The following STAB2 variants were observed in gnomAD, a reference collection of about 807,000 sequenced individuals.
The protein encoded by STAB2 is stabilin-2.
STAB2 carries 288 observed loss-of-function variants against 338.1 expected under a neutral mutation model. That is an observed-to-expected ratio of 0.85 (90% CI 0.77 to 0.94). The LOEUF (loss-of-function observed/expected upper bound fraction) is 0.94, where lower values mean the gene tolerates loss of function less well. Ranked by LOEUF, STAB2 falls within the 40% of genes least tolerant of loss-of-function variation. The pLI, the probability that STAB2 is intolerant of heterozygous loss-of-function variation, is 0.00. For synonymous variants in STAB2, 1,202 were observed against 1,193.3 expected, an observed-to-expected ratio of 1.01 and a Z score of -0.15; for missense variants, 3,141 against 3,210.1, an observed-to-expected ratio of 0.98 and a Z score of 0.52.
intron 5 of STAB2, among the ~76,000 whole-genome samples, chr12:103,624,372 A>C (rs1787524233): frequency 6.6e-6 from 1 of 152,200 alleles, no homozygotes; most frequent in Admixed American, 6.5e-5. Flanking sequence ...CCTGACCCAG[A>C]AGCATGGTTT....
intron 15 of STAB2, among the ~76,000 whole-genome samples, chr12:103,656,648 A>G (rs1012230182): frequency 6.6e-5 from 10 of 151,814 alleles, no homozygotes; most frequent in Admixed American, 3.9e-4. Flanking sequence ...AGGTATCTAT[A>G]AGGATATCTT....
chr12:103,719,570 G>A (rs576722796), intron 44 of STAB2, among the ~76,000 whole-genome samples: 3 of 152,118 alleles, frequency 2.0e-5, no homozygotes, highest in Non-Finnish European at 4.4e-5. Flanking sequence ...CCTGGCCTGC[G>A]GCCGCATCAC....
chr12:103,748,637 C>T (rs565750907), intron 58 of STAB2, among the ~76,000 whole-genome samples: 6 of 85,422 alleles, frequency 7.0e-5, no homozygotes, highest in African/African-American at 3.1e-4. Flanking sequence ...CACACACACA[C>T]ACACACACAC....
In STAB2 at chr12:103,766,388, C is replaced by A; in HGVS notation, c.*52C>A. ...CACTCACTGCCACCTGGGCCATCAA[C>A]TGTGAATTCTCAGCACCAGTTGCCT... On this transcript the variant is annotated 3_prime_UTR_variant, in exon 69 of 69. Coordinates refer to ENST00000388887, the MANE Select transcript of STAB2 (RefSeq NM_017564.10). 6.4e-7 allele frequency: 1 copy of A among 1,564,290 alleles called. No homozygotes were observed. The highest frequency in any genetic ancestry group is 8.7e-7 in the Non-Finnish European group (1 of 1,154,024).
At chr12:103,629,595 G>A (rs183252689) in intron 5 of STAB2, among the ~76,000 whole-genome samples, 2 of 152,278 alleles carry the variant, frequency 1.3e-5, no homozygotes, top group Admixed American at 1.3e-4. Context: ...GGCTGGCCTT[G>A]AAGGATTCCA....
chr12:103,590,041 G>C (rs996239230), intron 1 of STAB2, among the ~76,000 whole-genome samples: 8 of 152,066 alleles, frequency 5.3e-5, no homozygotes, highest in Non-Finnish European at 8.8e-5. Flanking sequence ...GTACAAAGCT[G>C]CTCCATCTTA....
chr12:103,707,056 T>TGATC lies in STAB2; in HGVS notation c.4192+70_4192+73dup, dbSNP rs903162868. ...CAACCAGGAATATGCAGGGAAAGAGTGATCCCACACGTGCTCTCTAGCTGG... is the reference window on the plus strand; with the variant it reads ...CAACCAGGAATATGCAGGGAAAGAGTGATCGATCCCACACGTGCTCTCTAGCTGG... On this transcript the variant is annotated intron_variant, in intron 38 of 68. Transcript: ENST00000388887. 3.9e-6 allele frequency: 6 copies of TGATC among 1,553,130 alleles called. No homozygotes were observed. The Admixed American group carries it at 8.9e-5, about 23-fold the overall frequency.
intron 44 of STAB2, among the ~76,000 whole-genome samples, chr12:103,720,579 T>G (rs982431094): frequency 2.6e-5 from 4 of 152,228 alleles, no homozygotes; most frequent in African/African-American, 7.2e-5. Flanking sequence ...AAAGCTCTTT[T>G]AAATACTGGG....
intron 19 of STAB2, among the ~76,000 whole-genome samples, chr12:103,667,522 C>T (rs934767588): frequency 6.6e-6 from 1 of 151,908 alleles, no homozygotes; most frequent in Non-Finnish European, 1.5e-5. Context: ...ATGATTGTCT[C>T]AGCCCAGGGA....
At chr12:103,613,912 A>G (rs1957169160) in intron 3 of STAB2, among the ~76,000 whole-genome samples, 1 of 152,092 alleles carries the variant, frequency 6.6e-6, no homozygotes, top group Non-Finnish European at 1.5e-5. Context: ...AACTGCTGTT[A>G]ATTCTATATC....
chr12:103,648,946 G>A (rs1729087043), intron 10 of STAB2, 123 bp downstream of exon 10: 2 of 1,345,802 alleles, frequency 1.5e-6, no homozygotes, highest in African/African-American at 1.5e-5. Context: ...CTTTTTGGAG[G>A]GGTCATGCAG....
chr12:103,697,157 C>T (rs1390592750), intron 33 of STAB2, among the ~76,000 whole-genome samples: 3 of 152,200 alleles, frequency 2.0e-5, no homozygotes, highest in South Asian at 2.1e-4. Flanking sequence ...GTGAGCTGCT[C>T]TCTCCCGCCT....
At chr12:103,759,345 C>T in intron 65 of STAB2, 72 bp downstream of exon 65, 1 of 1,565,354 alleles carries the variant, frequency 6.4e-7, no homozygotes, top group African/African-American at 1.4e-5. Context: ...ACAGTAGGTG[C>T]TTAATAGATG....
At position 103,640,212 on chromosome 12, in the gene STAB2, T is replaced by C; in HGVS notation, c.996T>C (p.Cys332=). The C allele has an allele frequency of 6.2e-7, 1 of 1,613,832 alleles. No homozygotes were observed. Among genetic ancestry groups the C allele is most frequent in the Non-Finnish European group, 8.5e-7 (1 of 1,179,806 alleles). ...MTDICKSDNP[C]HRNANCTTVA... ...ATATATGTAAATCAGATAACCCGTG[T>C]CATAGGAATGCAAATTGCACCACCG... The change falls in exon 9 of 69, where the codon TGT becomes TGC. Residue 332 remains cysteine (C), a synonymous_variant. Coordinates refer to ENST00000388887, the MANE Select transcript of STAB2 (RefSeq NM_017564.10).
intron 24 of STAB2, among the ~76,000 whole-genome samples, 189 bp downstream of exon 24, chr12:103,676,210 T>C (rs997597704): frequency 6.6e-6 from 1 of 152,040 alleles, no homozygotes; most frequent in African/African-American, 2.4e-5. Context: ...TACAGGCACG[T>C]GCCACCACCC....
At chr12:103,629,797 GC>G (rs1957432966) in intron 5 of STAB2, among the ~76,000 whole-genome samples, 1 of 152,158 alleles carries the variant, frequency 6.6e-6, no homozygotes, top group Admixed American at 6.5e-5. Flanking sequence ...GTTTTCTTCT[GC>G]CATTAGATTT....
intron 47 of STAB2, among the ~76,000 whole-genome samples, chr12:103,728,167 T>C (rs1482197565): frequency 2.6e-5 from 4 of 152,372 alleles, no homozygotes; most frequent in Admixed American, 1.3e-4. Flanking sequence ...ATTGTTTGTT[T>C]TTGAGACAGG....
At chr12:103,635,736 A>G (rs1456359321) in intron 6 of STAB2, among the ~76,000 whole-genome samples, 1 of 152,336 alleles carries the variant, frequency 6.6e-6, no homozygotes, top group East Asian at 1.9e-4. Context: ...GGTGCACTGC[A>G]TGACAGAGAG....
intron 5 of STAB2, among the ~76,000 whole-genome samples, chr12:103,627,039 C>T (rs1384795699): frequency 6.6e-6 from 1 of 152,160 alleles, no homozygotes; most frequent in Non-Finnish European, 1.5e-5. Flanking sequence ...AGACCATGTG[C>T]AGAGGGATTT....
Sources: allele counts gnomAD v4.1 joint callset (sites outside exome capture counted in the v4.1 genomes callset), GRCh38; gene constraint gnomAD v4.1.1; transcripts MANE v1.5; gene names NCBI Gene and HGNC (gene_info 2026-07-23, HGNC 2026-07-21).